SLITRK3: variants seen among roughly 807,000 people sequenced by gnomAD.
SLITRK3 encodes the protein SLIT and NTRK like family member 3, also known as SLIT and NTRK-like protein 3.
SLITRK3 carries 16 observed loss-of-function variants against 63.6 expected under a neutral mutation model. The ratio of observed to expected loss-of-function variants is 0.25; its 90% CI spans 0.17 to 0.38. The LOEUF (loss-of-function observed/expected upper bound fraction) is 0.38. Among genes scored for constraint, SLITRK3 ranks in the 10% least tolerant of loss-of-function variants. SLITRK3 has a pLI of 1.00. For synonymous variants in SLITRK3, 547 were observed against 451.6 expected, an observed-to-expected ratio of 1.21 and a Z score of -2.68; for missense variants, 1,117 against 1,181.4, an observed-to-expected ratio of 0.95 and a Z score of 0.80.
chr3:165,189,670 G>C lies in SLITRK3; in HGVS notation c.1161C>G (p.Gly387=). The C allele has an allele frequency of 6.2e-7, 1 of 1,614,198 alleles. No individual in the cohort carries two copies. The highest frequency in any genetic ancestry group is 8.5e-7 in the Non-Finnish European group (1 of 1,180,034). ...CTCNLHINDL[G]LTVNCKERGF... is the part of the protein sequence containing the mutation. ...CTCGCTCTTTGCAGTTGACAGTCAAGCCAAGGTCATTGATGTGCAAATTAC... is the reference window on the plus strand; with the variant it reads ...CTCGCTCTTTGCAGTTGACAGTCAACCCAAGGTCATTGATGTGCAAATTAC... Residue 387 remains glycine (G), a synonymous_variant, in exon 2 of 2, where the codon GGC becomes GGG. Coordinates refer to ENST00000475390, the MANE Select transcript of SLITRK3 (RefSeq NM_001318810.2). The surrounding 1 kb of genome is among the most constrained non-coding windows in gnomAD (Gnocchi z 4.0).
At position 165,189,433 on chromosome 3, in the gene SLITRK3, G is replaced by A. The variant is rs140074591; in HGVS notation, c.1398C>T (p.Asn466=). The A allele has an allele frequency of 6.8e-6, 11 of 1,613,124 alleles. No homozygotes were observed. Among genetic ancestry groups the A allele is most frequent in the South Asian group, 3.3e-5 (3 of 91,082 alleles). The change falls in exon 2 of 2, where the codon AAC becomes AAT. Residue 466 remains asparagine (N), a synonymous_variant. Transcript: ENST00000475390. The surrounding 1 kb of genome is among the most constrained non-coding windows in gnomAD (Gnocchi z 4.0). ...PNLKSLFLNG[N]DIEKLTPGMF... ...TGCCTGGTGTCAGCTTCTCTATATC[G>A]TTGCCATTAAGGAAGAGGCTCTTTA... is the stretch of plus-strand genomic sequence containing the variant.
At chr3:165,192,197 G>T (rs1344101667) in intron 1 of SLITRK3, among the ~76,000 whole-genome samples, 1 of 132,460 alleles carries the variant, frequency 7.5e-6, no homozygotes, top group Non-Finnish European at 1.8e-5. Flanking sequence ...TATAGGAAAA[G>T]TGAAAGAAAT....
chr3:165,190,792 C>T lies in SLITRK3; in HGVS notation c.39G>A (p.Arg13=), dbSNP rs1718188286. Residue 13 remains arginine, a synonymous_variant, in exon 2 of 2, where the codon AGG becomes AGA. Coordinates refer to ENST00000475390, the MANE Select transcript of SLITRK3 (RefSeq NM_001318810.2). ...PSIAEMLHRG[R]MLWIILLSTI... ...TGCTTAGAAGAATTATCCACAACAT[C>T]CTTCCTCTGTGAAGCATCTCAGCTA... 1 of 1,607,344 alleles carries T rather than the reference C, an allele frequency of 6.2e-7. No homozygotes were observed. The highest frequency in any genetic ancestry group is 8.5e-7 in the Non-Finnish European group (1 of 1,176,774).
rs760110516 is a variant in SLITRK3, at chr3:165,188,469, C to A, written c.2362G>T (p.Gly788Cys). The A allele has an allele frequency of 6.2e-7, 1 of 1,613,920 alleles. No homozygotes were observed. Among genetic ancestry groups the A allele is most frequent in the Admixed American group, 1.7e-5 (1 of 59,996 alleles). Residue 788 changes from glycine (G) to cysteine (C), a missense_variant, in exon 2 of 2, where the codon GGT (glycine) becomes TGT (cysteine). Gly to Cys is a radical substitution (Grantham distance 159, BLOSUM62 -3). Transcript: ENST00000475390. The part of the protein sequence containing the change: ...GGPGTQPPGM[G>C]EALLGSEQFA... The stretch of plus-strand genomic sequence containing the variant: ...TGCTCACTTCCTAGGAGAGCCTCAC[C>A]CATTCCCGGTGGTTGTGTCCCTGGA...
At position 165,196,073 on chromosome 3, in the gene SLITRK3, G is replaced by A. The variant is rs1201999127; in HGVS notation, c.-515C>T. ...CTGCCCGAGGCCTCCTTCCATCCGA[G>A]AAGATGGAATTAGCCCTTGCTTTTC... On this transcript the variant is annotated 5_prime_UTR_variant, in exon 1 of 2. Transcript: ENST00000475390. 6.5e-6 allele frequency: 1 copy of A among 152,752 alleles called. No homozygotes were observed. 9.5% of individuals were successfully genotyped at this position (152,752 alleles called of 1,614,324 possible). A position where few individuals can be genotyped will look rare whatever the true frequency, so the allele number is the denominator to read the frequency against.
rs1029984249 is a variant in SLITRK3 at position 165,196,178 on chromosome 3, G to A, written c.-620C>T. On this transcript the variant is annotated 5_prime_UTR_variant, in exon 1 of 2. Transcript: ENST00000475390. ...TGTAGATGAGAGAAGAAAAGGGTGG[G>A]GAGAGGCGGAAAGGAGGCAGGAAGG... Among the ~76,000 whole-genome samples, 2 of 151,104 alleles carry A rather than the reference G, an allele frequency of 1.3e-5. No homozygotes were observed. Among genetic ancestry groups the A allele is most frequent in the Admixed American group, 6.6e-5 (1 of 15,158 alleles).
Position 165,189,265 on chromosome 3 carries a change from G to A in SLITRK3, c.1566C>T (p.Asp522=), listed in dbSNP as rs370321174. ...NNNLLRTLPT[D]AFAGTSLARL... ...GGGCCAGGGATGTGCCAGCAAAGGC[G>A]TCTGTTGGCAGAGTCCTCAGTAAGT... Residue 522 remains aspartate, a synonymous_variant, in exon 2 of 2, where the codon GAC becomes GAT. Transcript: ENST00000475390. This position sits in a 1 kb window ranked among gnomAD's most constrained non-coding sequence, Gnocchi z 4.0. 1.7e-5 allele frequency: 27 copies of A among 1,614,072 alleles called. No homozygotes were observed. The highest frequency in any genetic ancestry group is 1.6e-4 in the Middle Eastern group (1 of 6,084).
rs1718177462 is a variant in SLITRK3 at position 165,190,611 on chromosome 3, C to T, written c.220G>A (p.Glu74Lys). The T allele has an allele frequency of 6.8e-6, 11 of 1,613,776 alleles. No homozygotes were observed. Among genetic ancestry groups the T allele is most frequent in the South Asian group, 3.3e-5 (3 of 91,068 alleles). ...AGTTTAAAAGGTCTTGACCAGAACT[C>T]GGTAATCTGACTAATATTTGTAAAT... ...KGFTNISQIT[E>K]FWSRPFKLYL... Residue 74 changes from glutamate to lysine, a missense_variant, in exon 2 of 2, where the codon GAG (glutamate) becomes AAG (lysine). Physicochemically the swap from Glu to Lys is moderately conservative, Grantham distance 56 (BLOSUM62 1). Coordinates refer to ENST00000475390, the MANE Select transcript of SLITRK3 (RefSeq NM_001318810.2).
Position 165,190,566 on chromosome 3 carries a change from T to G in SLITRK3, c.265A>C (p.Met89Leu). The G allele has an allele frequency of 6.2e-7, 1 of 1,613,962 alleles. No homozygotes were observed. Among genetic ancestry groups the G allele is most frequent in the Non-Finnish European group, 8.5e-7 (1 of 1,179,992 alleles). ...AAACTGTTGGTATATAATTTCCTCA[T>G]AGAATTCCTCTGCAGATACAGTTTA... ...PFKLYLQRNSMRKLYTNSFLH... is the reference protein window; with the variant it reads ...PFKLYLQRNSLRKLYTNSFLH... The change falls in exon 2 of 2, where the codon ATG (methionine) becomes CTG (leucine). Residue 89 changes from methionine (M) to leucine (L), a missense_variant. Transcript: ENST00000475390.
intron 1 of SLITRK3, among the ~76,000 whole-genome samples, chr3:165,192,017 G>T (rs1484011183): frequency 6.6e-6 from 1 of 152,146 alleles, no homozygotes; most frequent in Non-Finnish European, 1.5e-5. Context: ...TGATAATAAT[G>T]CAGTTTTATT....
chr3:165,193,123 G>C (rs1718299112), intron 1 of SLITRK3, among the ~76,000 whole-genome samples: 1 of 151,638 alleles, frequency 6.6e-6, no homozygotes, highest in South Asian at 2.1e-4. Flanking sequence ...GTGTGTGTGT[G>C]TGTGTGTGTG....
upstream of SLITRK3, chr3:165,196,898 T>TCTCTCG (rs1491587004): frequency 8.7e-5 from 4 of 45,996 alleles, no homozygotes; most frequent in Non-Finnish European, 1.7e-4. Flanking sequence ...TCTCTCTCTG[T>TCTCTCG]CTCTCTCTCT....
intron 1 of SLITRK3, among the ~76,000 whole-genome samples, chr3:165,194,776 G>A (rs188125089): frequency 5.9e-5 from 9 of 152,310 alleles, no homozygotes; most frequent in Admixed American, 2.0e-4. Context: ...CGGCAATGAA[G>A]TCTCTGTTAT....
At chr3:165,193,245 G>A (rs916189925) in intron 1 of SLITRK3, among the ~76,000 whole-genome samples, 5 of 148,404 alleles carry the variant, frequency 3.4e-5, no homozygotes, top group African/African-American at 5.0e-5. Context: ...GGTGAGGAAG[G>A]TGGAGATGGG....
chr3:165,190,058 T>C lies in SLITRK3; in HGVS notation c.773A>G (p.Asp258Gly). The stretch of plus-strand genomic sequence containing the variant: ...GTGGAAAGGGGTCTCACAGGTAATG[T>C]CTCCCACCAGGGCAGTATAAGGAAT... ...ERIPYTALVG[D>G]ITCETPFHFH... is the part of the protein sequence containing the mutation. The change falls in exon 2 of 2, where the codon GAC becomes GGC. Residue 258 changes from aspartate (D) to glycine (G), a missense_variant. Transcript: ENST00000475390. The C allele has an allele frequency of 1.9e-6, 3 of 1,614,078 alleles. No homozygotes were observed. The highest frequency in any genetic ancestry group is 2.5e-6 in the Non-Finnish European group (3 of 1,180,030).
In SLITRK3 at chr3:165,188,663, C is replaced by T. The variant is rs1195754666; in HGVS notation, c.2168G>A (p.Gly723Asp). Residue 723 changes from glycine to aspartate, a missense_variant, in exon 2 of 2, where the codon GGT becomes GAT. This residue lies in a region of SLITRK3 where 499 missense variants were observed against 463.6 expected (regional missense o/e 1.08). Transcript: ENST00000475390. ...GGGGGGSGGG[G>D]RPTLSSPEKA... Reference sequence around the variant, plus strand: ...CTCTGGAGAGGAAAGAGTTGGTCGACCACCACCCCCACTTCCGCCACCACC... The same window carrying T: ...CTCTGGAGAGGAAAGAGTTGGTCGATCACCACCCCCACTTCCGCCACCACC... 6.2e-7 allele frequency: 1 copy of T among 1,613,868 alleles called. No homozygotes were observed. Among genetic ancestry groups the T allele is most frequent in the African/African-American group, 1.3e-5 (1 of 74,998 alleles).
At position 165,188,089 on chromosome 3, in the gene SLITRK3, G is replaced by A. The variant is rs777935433; in HGVS notation, c.2742C>T (p.His914=). 7.7e-5 allele frequency: 124 copies of A among 1,613,698 alleles called. 1 individual carries two copies. The highest frequency in any genetic ancestry group is 1.8e-4 in the Admixed American group (11 of 59,934). Residue 914 remains histidine, a synonymous_variant, in exon 2 of 2, where the codon CAC becomes CAT. Transcript: ENST00000475390. ...GGTATTGCATGCCAGGAGGGTGCAC[G>A]TGCAGTTCCTTTAATTTGGGCACTG... The part of the protein sequence containing the change: ...YGTVPKLKEL[H]VHPPGMQYPD...
At chr3:165,191,877 A>T (rs750810516) in intron 1 of SLITRK3, among the ~76,000 whole-genome samples, 17 of 152,192 alleles carry the variant, frequency 1.1e-4, no homozygotes, top group Non-Finnish European at 1.6e-4. Flanking sequence ...ACACGAAATA[A>T]ATTTCAAAAA....
intron 1 of SLITRK3, among the ~76,000 whole-genome samples, chr3:165,192,348 G>T (rs2108210069): frequency 1.3e-5 from 2 of 152,190 alleles, no homozygotes; most frequent in East Asian, 1.9e-4. Context: ...AGAGAGAAAA[G>T]GCTACATTGC....
Sources: gnomAD v4.1 joint callset for allele counts (sites outside exome capture counted in the v4.1 genomes callset) on GRCh38, gnomAD v4.1.1 for gene constraint, gnomAD v4.1.1 regional missense constraint, Gnocchi (gnomAD v3.1) non-coding constraint, MANE v1.5 for transcripts, NCBI Gene and HGNC (gene_info 2026-07-23, HGNC 2026-07-21) for gene names.